The following KANK1 variants were observed in gnomAD, a reference collection of about 807,000 sequenced individuals.
KANK1 encodes KN motif and ankyrin repeat domains 1, also known as KN motif and ankyrin repeat domain-containing protein 1.
A neutral mutation model predicts 106.2 loss-of-function variants in KANK1; 109 were observed. That is an observed-to-expected ratio of 1.03 (90% CI 0.88 to 1.20). The LOEUF is 1.20. Among genes scored for constraint, KANK1 ranks in the 50% most tolerant of loss-of-function variants. KANK1 has a pLI of 0.00. For missense variants in KANK1, 2,399 were observed against 1,710.7 expected, an observed-to-expected ratio of 1.40 and a Z score of -7.10; for synonymous variants, 873 against 652.2, an observed-to-expected ratio of 1.34 and a Z score of -5.16.
At chr9:728,651 C>T (rs1831386906) in intron 3 of KANK1, among the ~76,000 whole-genome samples, 1 of 152,156 alleles carries the variant, frequency 6.6e-6, no homozygotes, top group South Asian at 2.1e-4. Flanking sequence ...AGACATTTAC[C>T]ATCTATATAG....
intron 1 of KANK1, among the ~76,000 whole-genome samples, chr9:535,836 A>G (rs910221611): frequency 2.2e-4 from 33 of 152,288 alleles, no homozygotes; most frequent in African/African-American, 7.7e-4. Flanking sequence ...AGCAGTCTTT[A>G]TTGTTTATAT....
intron 1 of KANK1, among the ~76,000 whole-genome samples, chr9:627,764 G>C (rs1033272750): frequency 6.6e-6 from 1 of 152,186 alleles, no homozygotes; most frequent in African/African-American, 2.4e-5. Context: ...AGTATATCCT[G>C]TCTTGGATTG....
chr9:675,419 G>A (rs4742220), intron 1 of KANK1, among the ~76,000 whole-genome samples: 60,916 of 151,894 alleles, frequency 0.4, 13,292 homozygotes, highest in East Asian at 0.63. Context: ...ATGGAAATGG[G>A]ATTTCTATAT....
At chr9:505,669 C>T (rs552303996) in intron 1 of KANK1, among the ~76,000 whole-genome samples, 51 of 152,338 alleles carry the variant, frequency 3.3e-4, no homozygotes, top group African/African-American at 1.1e-3. Context: ...GGCGAGTTGG[C>T]GTTAACAATT....
At chr9:672,461 A>G (rs1436037004) in intron 1 of KANK1, among the ~76,000 whole-genome samples, 3 of 152,148 alleles carry the variant, frequency 2.0e-5, no homozygotes, top group African/African-American at 4.8e-5. Flanking sequence ...TATTAGTAGT[A>G]CTTAATGTTA....
intron 1 of KANK1, among the ~76,000 whole-genome samples, chr9:596,294 C>G (rs565109518): frequency 1.1e-4 from 17 of 151,880 alleles, no homozygotes; most frequent in African/African-American, 4.1e-4. Flanking sequence ...AGTTCCTACC[C>G]ACATCCCTGT....
chr9:593,402 A>G (rs796437941), intron 1 of KANK1, among the ~76,000 whole-genome samples: 1 of 151,400 alleles, frequency 6.6e-6, no homozygotes, highest in Non-Finnish European at 1.5e-5. Flanking sequence ...TATTGTATAT[A>G]CTTTCAGACA....
rs541635403 is a variant in KANK1 at position 529,703 on chromosome 9, A to T, written c.-84+24949A>T. Among the ~76,000 whole-genome samples, 13 of 152,270 alleles carry T rather than the reference A, an allele frequency of 8.5e-5. No homozygotes were observed. In the East Asian group the frequency reaches 2.3e-3, roughly 27 times the overall value. The stretch of plus-strand genomic sequence containing the variant: ...TGATTTTAAACTCCATATTTTGTTT[A>T]ATCAGTTTCCTATTGATTTGCTACA... On this transcript the variant is annotated intron_variant, in intron 1 of 11. Coordinates refer to ENST00000382297, the MANE Select transcript of KANK1 (RefSeq NM_015158.5).
Position 581,224 on chromosome 9 carries a change from A to G in KANK1, c.-84+76470A>G, listed in dbSNP as rs552965013. ...GGCCAGCCCAGAGAGGGGCTCCCAC[A>G]GTGCAGCGGCGGGCTGAAGGGCTCC... On this transcript the variant is annotated intron_variant, in intron 1 of 11. Coordinates refer to ENST00000382297, the MANE Select transcript of KANK1 (RefSeq NM_015158.5). 5.3e-5 allele frequency among the ~76,000 whole-genome samples: 8 copies of G among 152,220 alleles called. No homozygotes were observed. The South Asian group carries it at 1.0e-3, about 20-fold the overall frequency.
intron 1 of KANK1, among the ~76,000 whole-genome samples, chr9:635,377 C>T (rs1311679808): frequency 6.6e-6 from 1 of 152,188 alleles, no homozygotes; most frequent in East Asian, 1.9e-4. Flanking sequence ...TAGCTGGACC[C>T]TGAGGTCCTT....
intron 3 of KANK1, among the ~76,000 whole-genome samples, chr9:473,968 G>A (rs977703348): frequency 6.6e-6 from 1 of 152,122 alleles, no homozygotes; most frequent in Admixed American, 6.5e-5. Flanking sequence ...AAAGTTCTGG[G>A]ATTATAGGTG....
At chr9:497,588 T>G (rs138957354) in intron 3 of KANK1, among the ~76,000 whole-genome samples, 1 of 152,248 alleles carries the variant, frequency 6.6e-6, no homozygotes, top group African/African-American at 2.4e-5. Flanking sequence ...TTTTTTTAAA[T>G]GAAATTAAGG....
chr9:624,145 G>A (rs916248741), intron 1 of KANK1, among the ~76,000 whole-genome samples: 6 of 152,152 alleles, frequency 3.9e-5, no homozygotes, highest in African/African-American at 7.2e-5. Flanking sequence ...AACAAATACT[G>A]TATGATCTCA....
intron 3 of KANK1, among the ~76,000 whole-genome samples, chr9:719,511 G>C (rs1422137399): frequency 6.6e-6 from 1 of 152,140 alleles, no homozygotes; most frequent in Admixed American, 6.5e-5. Context: ...TTTTCAGAAA[G>C]TTCTTGGCAC....
intron 4 of KANK1, chr9:730,522 T>C (rs750704039): frequency 3.0e-5 from 12 of 398,806 alleles, no homozygotes; most frequent in Non-Finnish European, 4.7e-5. Context: ...TGAAACCCCA[T>C]CTCTACTAAA....
rs546821003 is a variant in KANK1 at position 697,437 on chromosome 9, G to A, written c.38-13367G>A. 3.3e-5 allele frequency among the ~76,000 whole-genome samples: 5 copies of A among 152,204 alleles called. No homozygotes were observed. The South Asian group carries it at 6.2e-4, about 19-fold the overall frequency. On this transcript the variant is annotated intron_variant, in intron 2 of 11. Transcript: ENST00000382297. ...GCTTTTAGGCTTTATTCTTTAAAAT[G>A]GAGCTCCTGGCACATGACTTTGCAA...
chr9:590,989 G>A (rs962946083), intron 1 of KANK1, among the ~76,000 whole-genome samples: 1 of 151,618 alleles, frequency 6.6e-6, no homozygotes, highest in Non-Finnish European at 1.5e-5. Flanking sequence ...CCTTAACATT[G>A]GATAGTGGAG....
intron 2 of KANK1, among the ~76,000 whole-genome samples, chr9:700,071 TGAG>T (rs912782485): frequency 6.6e-6 from 1 of 152,142 alleles, no homozygotes; most frequent in African/African-American, 2.4e-5. Flanking sequence ...ATAAACTCTG[TGAG>T]GAGAAGCATT....
rs760462587 is a variant in KANK1 at position 712,888 on chromosome 9, A to T, written c.2122A>T (p.Ser708Cys). ...TCLSTLDKQT[S>C]TQTVETRTVA... ...TCTAAGCACTTTGGACAAGCAGACC[A>T]GCACCCAGACTGTGGAGACGCGGAC... is the stretch of plus-strand genomic sequence containing the variant. The change falls in exon 3 of 12, where the codon AGC (serine) becomes TGC (cysteine). Residue 708 changes from serine (S) to cysteine (C), a missense_variant. Coordinates refer to ENST00000382297, the MANE Select transcript of KANK1 (RefSeq NM_015158.5). The T allele has an allele frequency of 5.6e-6, 9 of 1,613,896 alleles. No homozygotes were observed. The African/African-American group carries it at 6.7e-5, about 12-fold the overall frequency.
Sources: allele counts gnomAD v4.1 joint callset (sites outside exome capture counted in the v4.1 genomes callset), GRCh38; gene constraint gnomAD v4.1.1; transcripts MANE v1.5; gene names NCBI Gene and HGNC (gene_info 2026-07-23, HGNC 2026-07-21).